Variants in ADGRL2 observed in about 807,000 individuals in gnomAD.
ADGRL2 encodes the protein calcium-independent alpha-latrotoxin receptor 2.
ADGRL2 carries 44 observed loss-of-function variants against 157.4 expected under a neutral mutation model. The observed-to-expected ratio is 0.28, with a 90% CI of 0.22 to 0.36. The LOEUF is 0.36. Among genes scored for constraint, ADGRL2 ranks in the 10% least tolerant of loss-of-function variants. ADGRL2 has a pLI of 1.00. For synonymous variants in ADGRL2, 585 were observed against 624.7 expected (o/e 0.94, Z 0.95); for missense variants, 1,510 against 1,768.9 (o/e 0.85, Z 2.63).
At chr1:81,918,338 G>A (rs2094906334) in intron 3 of ADGRL2, among the ~76,000 whole-genome samples, 1 of 152,146 alleles carries the variant, frequency 6.6e-6, no homozygotes, top group Admixed American at 6.6e-5. Flanking sequence ...GATAATGTTT[G>A]TAGTGTATGG....
At chr1:81,875,077 T>C (rs1331799315) in intron 2 of ADGRL2, among the ~76,000 whole-genome samples, 1 of 151,770 alleles carries the variant, frequency 6.6e-6, no homozygotes, top group Non-Finnish European at 1.5e-5. Flanking sequence ...TTTTAAACTC[T>C]TAACTTCTAT....
chr1:81,872,071 C>T (rs2093711189), intron 2 of ADGRL2, among the ~76,000 whole-genome samples: 1 of 152,116 alleles, frequency 6.6e-6, no homozygotes, highest in Non-Finnish European at 1.5e-5. Flanking sequence ...TTAGGTCTGA[C>T]ATTTAAGTCT....
chr1:81,615,848 C>T (rs1388279477), intron 3 of ADGRL2, among the ~76,000 whole-genome samples: 1 of 152,172 alleles, frequency 6.6e-6, no homozygotes, highest in Non-Finnish European at 1.5e-5. Context: ...AGAAGCGATC[C>T]AGTGCTTACA....
At position 81,667,692 on chromosome 1, in the gene ADGRL2, A is replaced by T. The variant is rs145198001; in HGVS notation, c.-143+86712A>T. On this transcript the variant is annotated intron_variant, in intron 3 of 24. Transcript: ENST00000370721. ...ATTTCTAGTATAAAGTAGGCATAAA[A>T]AATTAAAAGAAATAAAGTAAGCAAG... Among the ~76,000 whole-genome samples the T allele has an allele frequency of 2.7e-4, 41 of 152,286 alleles. No homozygotes were observed. The East Asian group carries it at 7.5e-3, about 28-fold the overall frequency.
At chr1:81,588,839 C>A (rs10874255) in intron 3 of ADGRL2, among the ~76,000 whole-genome samples, 79,763 of 151,898 alleles carry the variant, frequency 0.53, 21,230 homozygotes, top group East Asian at 0.67. Context: ...TTTTTGTGCC[C>A]GCTAGTCTAT....
Position 81,891,650 on chromosome 1 carries a change from T to A in ADGRL2, c.74-15367T>A, listed in dbSNP as rs1013934423. Reference sequence around the variant, plus strand: ...TTACCTACTTTGAAATTGATACTCTTTATTTGTAAGCACTTTTATGTAGAG... The same window carrying A: ...TTACCTACTTTGAAATTGATACTCTATATTTGTAAGCACTTTTATGTAGAG... On this transcript the variant is annotated intron_variant, in intron 2 of 23. Coordinates refer to ENST00000686636, the MANE Select transcript of ADGRL2 (RefSeq NM_001366006.2). Among the ~76,000 whole-genome samples the A allele has an allele frequency of 3.3e-5, 5 of 152,176 alleles. No individual in the cohort carries two copies. The East Asian group carries it at 7.7e-4, about 23-fold the overall frequency.
chr1:81,639,282 G>C (rs1304263522), intron 3 of ADGRL2, among the ~76,000 whole-genome samples: 3 of 152,106 alleles, frequency 2.0e-5, no homozygotes, highest in African/African-American at 7.2e-5. Flanking sequence ...TGTTGGCCAG[G>C]CTGGTCTCGA....
intron 1 of ADGRL2, among the ~76,000 whole-genome samples, chr1:81,744,745 T>C (rs1557613470): frequency 6.6e-6 from 1 of 151,962 alleles, no homozygotes; most frequent in Non-Finnish European, 1.5e-5. Flanking sequence ...GAAAATAGAG[T>C]GGAAGAACAA....
At chr1:81,485,548 G>A (rs1383921806) in intron 2 of ADGRL2, among the ~76,000 whole-genome samples, 1 of 151,984 alleles carries the variant, frequency 6.6e-6, no homozygotes, top group African/African-American at 2.4e-5. Context: ...CTGTGCCTTG[G>A]TTTAATATAC....
chr1:81,323,758 C>T (rs1180494643), intron 1 of ADGRL2, among the ~76,000 whole-genome samples: 1 of 152,008 alleles, frequency 6.6e-6, no homozygotes, highest in Non-Finnish European at 1.5e-5. Flanking sequence ...ATATTTAAAT[C>T]AAATTAATAA....
chr1:81,414,149 C>G (rs996072902), intron 1 of ADGRL2: 5 of 147,184 alleles, frequency 3.4e-5, no homozygotes, highest in African/African-American at 1.2e-4. Context: ...TTGGTAAACA[C>G]ACTTCACCTT....
intron 22 of ADGRL2, chr1:81,987,342 G>T: frequency 6.5e-7 from 1 of 1,530,470 alleles, no homozygotes; most frequent in Non-Finnish European, 9.0e-7. Flanking sequence ...TCATTTAGAG[G>T]TATCCTATCT....
At chr1:81,492,581 T>C in intron 2 of ADGRL2, among the ~76,000 whole-genome samples, 1 of 152,318 alleles carries the variant, frequency 6.6e-6, no homozygotes, top group East Asian at 1.9e-4. Context: ...GTACTATGTG[T>C]TTCTAATTGT....
chr1:81,574,869 G>T (rs1385515349), intron 2 of ADGRL2, among the ~76,000 whole-genome samples: 1 of 152,132 alleles, frequency 6.6e-6, no homozygotes, highest in Non-Finnish European at 1.5e-5. Flanking sequence ...AAATCTTAAT[G>T]AGAAACATTA....
At chr1:81,399,271 T>A (rs12133994) in intron 1 of ADGRL2, among the ~76,000 whole-genome samples, 4,138 of 152,304 alleles carry the variant, frequency 0.027, 86 homozygotes, top group Middle Eastern at 0.092. Context: ...TGCCTCCAAT[T>A]CAACATGAGA....
intron 1 of ADGRL2, among the ~76,000 whole-genome samples, chr1:81,374,800 C>G (rs1303465877): frequency 6.6e-6 from 1 of 152,140 alleles, no homozygotes; most frequent in Non-Finnish European, 1.5e-5. Context: ...ACTGAGACTT[C>G]CAGCACAGTA....
At chr1:81,479,640 T>G (rs2147870577) in intron 2 of ADGRL2, among the ~76,000 whole-genome samples, 1 of 152,276 alleles carries the variant, frequency 6.6e-6, no homozygotes, top group Non-Finnish European at 1.5e-5. Flanking sequence ...GAAAACAACC[T>G]CAAATGGATG....
chr1:81,372,180 C>CT (rs1416505073), intron 1 of ADGRL2, among the ~76,000 whole-genome samples: 2 of 152,138 alleles, frequency 1.3e-5, no homozygotes, highest in African/African-American at 2.4e-5. Flanking sequence ...CATCAATCAA[C>CT]TTTTTTAAAA....
Position 81,987,906 on chromosome 1 carries a change from C to T in ADGRL2, c.3655+20C>T. 3.1e-6 allele frequency: 1 copy of T among 326,842 alleles called. No individual in the cohort carries two copies. Among genetic ancestry groups the T allele is most frequent in the Non-Finnish European group, 6.6e-6 (1 of 152,480 alleles). 20.2% of individuals were successfully genotyped at this position (326,842 alleles called of 1,614,324 possible). Reference sequence around the variant, plus strand: ...AGACAAGTATGGGAGTAAAACTTAACTTTGCCTATCAAATGTAAATTTTTT... The same window carrying T: ...AGACAAGTATGGGAGTAAAACTTAATTTTGCCTATCAAATGTAAATTTTTT... On this transcript the variant is annotated intron_variant, in intron 23 of 23. Coordinates refer to ENST00000686636, the MANE Select transcript of ADGRL2 (RefSeq NM_001366006.2).
Sources: allele counts gnomAD v4.1 joint callset (sites outside exome capture counted in the v4.1 genomes callset), GRCh38; gene constraint gnomAD v4.1.1; transcripts MANE v1.5; gene names NCBI Gene and HGNC (gene_info 2026-07-23, HGNC 2026-07-21).